Variants in BTLA observed in about 807,000 individuals in gnomAD.
The protein encoded by BTLA is B and T lymphocyte associated, also known as B- and T-lymphocyte attenuator.
In BTLA, 11 loss-of-function variants were observed where a neutral mutation model predicts 25.0. The observed-to-expected ratio is 0.44, with a 90% CI of 0.28 to 0.73. The LOEUF is 0.73. Ranked by LOEUF, BTLA falls within the 30% of genes least tolerant of loss-of-function variation. The pLI, the probability that BTLA is intolerant of heterozygous loss-of-function variation, is 0.15. For synonymous variants in BTLA, 104 were observed against 119.8 expected (o/e 0.87, Z 0.86); for missense variants, 282 against 332.8 (o/e 0.85, Z 1.19).
chr3:112,483,132 G>C lies in BTLA; in HGVS notation c.89-3363C>G, dbSNP rs138022254. Among the ~76,000 whole-genome samples, 1,190 of 146,766 alleles carry C rather than the reference G, an allele frequency of 8.1e-3. 47 individuals are homozygous for C. The highest frequency in any genetic ancestry group is 0.062 in the East Asian group (305 of 4,886). The stretch of plus-strand genomic sequence containing the variant: ...GCCCCAGGAGTATCTAACAAAGAGG[G>C]CACCTTTCTTTTTTTTTTTTTTTTT... On this transcript the variant is annotated intron_variant, in intron 1 of 4. Coordinates refer to ENST00000334529, the MANE Select transcript of BTLA (RefSeq NM_181780.4).
chr3:112,498,354 AC>A (rs751528009), intron 1 of BTLA, among the ~76,000 whole-genome samples: 1 of 151,840 alleles, frequency 6.6e-6, no homozygotes, highest in Non-Finnish European at 1.5e-5. Flanking sequence ...AATCGATTGA[AC>A]CCGGGAGGCA....
In BTLA at chr3:112,490,090, C is replaced by T. The variant is rs78395628; in HGVS notation, c.88+9181G>A. On this transcript the variant is annotated intron_variant, in intron 1 of 4. Transcript: ENST00000334529. ...AGAAAACCCAGGTAGCATACTTTCC[C>T]ATCATAAACTAGCTCACATACACTC... is the stretch of plus-strand genomic sequence containing the variant. Among the ~76,000 whole-genome samples the T allele has an allele frequency of 2.7e-3, 404 of 152,254 alleles. 1 individual carries two copies. Among genetic ancestry groups the T allele is most frequent in the Non-Finnish European group, 3.8e-3 (257 of 68,004 alleles).
At chr3:112,490,604 AACACACAC>A (rs55894234) in intron 1 of BTLA, among the ~76,000 whole-genome samples, 32 of 142,334 alleles carry the variant, frequency 2.2e-4, no homozygotes, top group African/African-American at 4.4e-4. Context: ...TCCCTGGGTA[AACACACAC>A]ACACACACAC....
intron 2 of BTLA, among the ~76,000 whole-genome samples, chr3:112,472,758 G>A (rs941319026): frequency 6.6e-6 from 1 of 152,032 alleles, no homozygotes; most frequent in African/African-American, 2.4e-5. Context: ...GCTTAGGTTT[G>A]GGGTAAAAAT....
At chr3:112,467,207 G>C (rs535800520) in intron 4 of BTLA, among the ~76,000 whole-genome samples, 5 of 152,048 alleles carry the variant, frequency 3.3e-5, no homozygotes, top group African/African-American at 1.2e-4. Context: ...TGATCCGCCC[G>C]CCTCGGCCTC....
intron 1 of BTLA, among the ~76,000 whole-genome samples, chr3:112,493,983 G>A (rs761399439): frequency 6.6e-5 from 10 of 152,258 alleles, no homozygotes; most frequent in South Asian, 2.1e-4. Context: ...GGTGGCAGCC[G>A]CCTGTAGTCC....
At chr3:112,493,184 T>C (rs181687360) in intron 1 of BTLA, among the ~76,000 whole-genome samples, 19 of 152,276 alleles carry the variant, frequency 1.2e-4, no homozygotes, top group Admixed American at 5.9e-4. Context: ...ACTGACACAA[T>C]ACAACTCAAG....
At chr3:112,467,684 C>G (rs958795338) in intron 4 of BTLA, among the ~76,000 whole-genome samples, 1 of 152,324 alleles carries the variant, frequency 6.6e-6, no homozygotes, top group East Asian at 1.9e-4. Flanking sequence ...CAGTGCCACC[C>G]TCTGATGTGG....
At chr3:112,471,188 G>T (rs1022756079) in intron 3 of BTLA, 24 bp downstream of exon 3, 6 of 1,611,894 alleles carry the variant, frequency 3.7e-6, no homozygotes, top group South Asian at 2.2e-5. Flanking sequence ...GTGGTACTGG[G>T]GGCAGAGGGA....
chr3:112,469,957 A>G, intron 3 of BTLA, 153 bp from the exon 4 acceptor site: 1 of 591,096 alleles, frequency 1.7e-6, no homozygotes, highest in Non-Finnish European at 3.1e-6. Context: ...CTTGTTTGTG[A>G]TAATTCACAC....
chr3:112,482,360 C>G (rs1257624543), intron 1 of BTLA, among the ~76,000 whole-genome samples: 1 of 152,168 alleles, frequency 6.6e-6, no homozygotes, highest in Non-Finnish European at 1.5e-5. Context: ...AATACAAAGA[C>G]AGCTAAAGGC....
chr3:112,481,269 G>A (rs1447982733), intron 1 of BTLA, among the ~76,000 whole-genome samples: 1 of 152,198 alleles, frequency 6.6e-6, no homozygotes, highest in African/African-American at 2.4e-5. Context: ...GGCTCTACTA[G>A]GCACTGACAT....
intron 1 of BTLA, among the ~76,000 whole-genome samples, chr3:112,494,723 G>A (rs2082399682): frequency 6.6e-6 from 1 of 152,150 alleles, no homozygotes; most frequent in African/African-American, 2.4e-5. Context: ...TGGACACAGA[G>A]AGGGGAATAA....
intron 4 of BTLA, among the ~76,000 whole-genome samples, chr3:112,469,283 T>C (rs1380206014): frequency 6.6e-6 from 1 of 152,132 alleles, no homozygotes; most frequent in Non-Finnish European, 1.5e-5. Context: ...AAAGATCATG[T>C]CTCTATTTTG....
At chr3:112,498,332 G>A (rs936718352) in intron 1 of BTLA, among the ~76,000 whole-genome samples, 1 of 151,490 alleles carries the variant, frequency 6.6e-6, no homozygotes, top group African/African-American at 2.4e-5. Context: ...AATTGAACCC[G>A]GGAGGAAGAA....
chr3:112,470,904 G>A (rs1010470840), intron 3 of BTLA, among the ~76,000 whole-genome samples: 1 of 152,186 alleles, frequency 6.6e-6, no homozygotes, highest in Non-Finnish European at 1.5e-5. Context: ...GTTTAGAAGA[G>A]CTCTTTCTCA....
chr3:112,464,683 A>G lies in BTLA; in HGVS notation c.*1425T>C, dbSNP rs2082215168. On this transcript the variant is annotated 3_prime_UTR_variant, in exon 5 of 5. Transcript: ENST00000334529. The stretch of plus-strand genomic sequence containing the variant: ...TCTAAACTCCATAATTTCACATATT[A>G]TTTTCTTTAATGACCCATTTACTCT... 1 of 152,128 alleles carries G rather than the reference A, an allele frequency of 6.6e-6. No homozygotes were observed. Among genetic ancestry groups the G allele is most frequent in the Non-Finnish European group, 1.5e-5 (1 of 68,078 alleles). The allele number at this position is 152,128 out of a possible 1,614,324, so 9.4% of individuals were successfully genotyped here. A position where few individuals can be genotyped will look rare whatever the true frequency, so the allele number is the denominator to read the frequency against.
At chr3:112,495,130 C>T (rs1399456711) in intron 1 of BTLA, among the ~76,000 whole-genome samples, 5 of 152,128 alleles carry the variant, frequency 3.3e-5, no homozygotes, top group Non-Finnish European at 7.4e-5. Flanking sequence ...TCACAACAAC[C>T]TTATAAGATT....
intron 2 of BTLA, among the ~76,000 whole-genome samples, chr3:112,474,165 A>C (rs2082277419): frequency 2.0e-5 from 3 of 152,228 alleles, no homozygotes; most frequent in Admixed American, 2.0e-4. Context: ...AAAGAAAGTC[A>C]CTTATAAAAA....
Sources: gnomAD v4.1 joint callset for allele counts (sites outside exome capture counted in the v4.1 genomes callset) on GRCh38, gnomAD v4.1.1 for gene constraint, MANE v1.5 for transcripts, NCBI Gene and HGNC (gene_info 2026-07-23, HGNC 2026-07-21) for gene names.